The following EGF variants were observed in gnomAD, a reference collection of about 807,000 sequenced individuals.
EGF encodes epidermal growth factor, also known as pro-epidermal growth factor.
EGF carries 95 observed loss-of-function variants against 143.8 expected under a neutral mutation model. That is an observed-to-expected ratio of 0.66 (90% CI 0.56 to 0.78). EGF has a LOEUF of 0.78. Ranked by LOEUF, EGF falls within the 30% of genes least tolerant of loss-of-function variation. The pLI is 0.00. For missense variants in EGF, 1,320 were observed against 1,470.9 expected (o/e 0.90, Z 1.68); for synonymous variants, 510 against 510.5 (o/e 1.00, Z 0.01).
rs763367935 is a variant in EGF, at chr4:109,999,810, T to C, written c.3137T>C (p.Leu1046Pro). The C allele has an allele frequency of 1.4e-5, 22 of 1,613,740 alleles. No homozygotes were observed. Residue 1046 changes from leucine (L) to proline (P), a missense_variant, in exon 21 of 24, where the codon CTG becomes CCG. Physicochemically the swap from Leu to Pro is moderately conservative, Grantham distance 98. This residue lies in a region of EGF where 1,186 missense variants were observed against 1,313.7 expected (regional missense o/e 0.90). Transcript: ENST00000265171. ...GTCTGCGTGGTGGTGCTTGTCATGCTGCTCCTCCTGAGCCTGTGGGGGGCC... is the reference window on the plus strand; with the variant it reads ...GTCTGCGTGGTGGTGCTTGTCATGCCGCTCCTCCTGAGCCTGTGGGGGGCC... ...VAVCVVVLVMLLLLSLWGAHY... is the reference protein window; with the variant it reads ...VAVCVVVLVMPLLLSLWGAHY...
intron 16 of EGF, among the ~76,000 whole-genome samples, chr4:109,987,205 A>G (rs1750258763): frequency 6.6e-6 from 1 of 152,222 alleles, no homozygotes; most frequent in African/African-American, 2.4e-5. Context: ...AAATAAGTTC[A>G]TATAGGGTTC....
Position 109,983,367 on chromosome 4 carries a change from CT to C in EGF, c.2372-46del, listed in dbSNP as rs1180444624. On this transcript the variant is annotated intron_variant, in intron 15 of 23. Transcript: ENST00000265171. ...AGTCGTAAACATAAATGAAATCAAA[CT>C]TTTTTTTTGAAACAGAAAAGCTAAA... The C allele has an allele frequency of 1.9e-4, 291 of 1,564,792 alleles. 1 individual carries two copies. The highest frequency in any genetic ancestry group is 4.7e-4 in the Admixed American group (27 of 57,238).
At chr4:109,957,635 G>A (rs768835290) in intron 5 of EGF, among the ~76,000 whole-genome samples, 13 of 152,210 alleles carry the variant, frequency 8.5e-5, no homozygotes, top group Non-Finnish European at 1.6e-4. Context: ...AAACAGATCA[G>A]AGAAACCAAG....
At chr4:109,932,392 T>C (rs1333523826) in intron 1 of EGF, among the ~76,000 whole-genome samples, 8 of 140,578 alleles carry the variant, frequency 5.7e-5, no homozygotes, top group African/African-American at 2.1e-4. Flanking sequence ...TTTTTTTTTT[T>C]TTTTGAGACG....
intron 8 of EGF, among the ~76,000 whole-genome samples, chr4:109,962,940 G>A (rs919099819): frequency 1.3e-5 from 2 of 151,824 alleles, no homozygotes; most frequent in African/African-American, 4.8e-5. Flanking sequence ...GGTGGCGGGT[G>A]CCTGTAATCC....
intron 12 of EGF, among the ~76,000 whole-genome samples, chr4:109,975,445 C>T (rs1748339369): frequency 6.6e-6 from 1 of 152,108 alleles, no homozygotes; most frequent in Non-Finnish European, 1.5e-5. Flanking sequence ...GAGAACGTAA[C>T]CATTTCTAAA....
chr4:109,919,333 C>CA (rs1737348333), intron 1 of EGF, among the ~76,000 whole-genome samples: 9 of 137,294 alleles, frequency 6.6e-5, no homozygotes, highest in Admixed American at 2.2e-4. Flanking sequence ...CTCTCTCTCT[C>CA]TCTCTCTCAT....
Position 110,004,622 on chromosome 4 carries a change from G to C in EGF, c.3291G>C (p.Trp1097Cys). The C allele has an allele frequency of 1.2e-6, 2 of 1,613,674 alleles. No individual in the cohort carries two copies. Among genetic ancestry groups the C allele is most frequent in the Non-Finnish European group, 1.7e-6 (2 of 1,179,706 alleles). ...GGATGTCCTCTTGCCCTCAACCTTG[G>C]GTAATGTGACCAAAGCAGATGAAGC... ...EDGMSSCPQP[W>C]FVVIKEHQDL... The change falls in exon 22 of 24, where the codon TGG (tryptophan) becomes TGC (cysteine). Residue 1097 changes from tryptophan (W) to cysteine (C), a missense_variant and splice_region_variant. By Grantham distance (215) the Trp-to-Cys change is radical. This residue lies in a region of EGF where 1,186 missense variants were observed against 1,313.7 expected (regional missense o/e 0.90). Coordinates refer to ENST00000265171, the MANE Select transcript of EGF (RefSeq NM_001963.6).
At chr4:109,933,154 G>T (rs1394321429) in intron 1 of EGF, among the ~76,000 whole-genome samples, 2 of 152,184 alleles carry the variant, frequency 1.3e-5, no homozygotes, top group Non-Finnish European at 2.9e-5. Context: ...GAGATGTCCA[G>T]AGAAGCGAAG....
At chr4:110,004,776 C>T (rs1560772318) in intron 22 of EGF, among the ~76,000 whole-genome samples, 154 bp downstream of exon 22, 2 of 44,432 alleles carry the variant, frequency 4.5e-5, no homozygotes, top group South Asian at 7.6e-4. Flanking sequence ...TAGGGAGGTC[C>T]TGGGTGGGAG....
chr4:110,001,571 A>G (rs1225944415), intron 21 of EGF: 5 of 973,620 alleles, frequency 5.1e-6, no homozygotes, highest in Non-Finnish European at 6.1e-6. Flanking sequence ...CATGCGTGCC[A>G]TAATTATTAA....
chr4:109,959,156 T>G (rs756143399), intron 5 of EGF, 156 bp from the exon 6 acceptor site: 141 of 1,175,752 alleles, frequency 1.2e-4, no homozygotes, highest in Admixed American at 2.5e-4. Flanking sequence ...GGCTTCGGGA[T>G]GCTGGGGAAT....
At chr4:109,959,483 G>T in intron 6 of EGF, 46 bp downstream of exon 6, 1 of 1,611,228 alleles carries the variant, frequency 6.2e-7, no homozygotes, top group South Asian at 1.1e-5. Context: ...GTCGCTGCTT[G>T]AGGGGAGGAA....
Position 109,928,990 on chromosome 4 carries a change from A to G in EGF, c.128-11956A>G, listed in dbSNP as rs139116663. Among the ~76,000 whole-genome samples the G allele has an allele frequency of 1.1e-4, 17 of 152,334 alleles. No individual in the cohort carries two copies. In the East Asian group the frequency reaches 3.3e-3, roughly 29 times the overall value. On this transcript the variant is annotated intron_variant, in intron 1 of 23. Coordinates refer to ENST00000265171, the MANE Select transcript of EGF (RefSeq NM_001963.6). Reference sequence around the variant, plus strand: ...TTTTTGTTTACAAATGCAATATATTATAGAAGTAGATATAAAATTATTCAG... The same window carrying G: ...TTTTTGTTTACAAATGCAATATATTGTAGAAGTAGATATAAAATTATTCAG...
intron 4 of EGF, 45 bp from the exon 5 acceptor site, chr4:109,945,028 A>G: frequency 6.3e-7 from 1 of 1,592,850 alleles, no homozygotes; most frequent in East Asian, 2.2e-5. Flanking sequence ...TAAGACAAGG[A>G]ACAAATGTTC....
chr4:109,963,342 T>C lies in EGF; in HGVS notation c.1438+44T>C, dbSNP rs556603989. ...TGGAACTGTGTCCCTGAAAAAAAAT[T>C]CATGAAAATCTTTTGTTTAGAAAGA... On this transcript the variant is annotated intron_variant, in intron 9 of 23. Coordinates refer to ENST00000265171, the MANE Select transcript of EGF (RefSeq NM_001963.6). 2.5e-6 allele frequency: 4 copies of C among 1,613,300 alleles called. No homozygotes were observed. In the Admixed American group the frequency reaches 5.0e-5, roughly 20 times the overall value.
chr4:109,943,548 T>G, intron 3 of EGF, 113 bp downstream of exon 3: 12 of 1,223,706 alleles, frequency 9.8e-6, no homozygotes, highest in Non-Finnish European at 1.4e-5. Context: ...AAAGCCCTCT[T>G]TTGCAGCACA....
Position 109,980,132 on chromosome 4 carries a change from A to G in EGF, c.2214A>G (p.Ala738=). The change falls in exon 14 of 24, where the codon GCA becomes GCG. Residue 738 remains alanine (A), a synonymous_variant. Coordinates refer to ENST00000265171, the MANE Select transcript of EGF (RefSeq NM_001963.6). ...CACTGGTTGTGGTTCATCCATTGGC[A>G]AAACCAGGTACATACTGGAGATGTT... ...PSSLVVVHPL[A]KPGADPCLYQ... 1 of 1,608,684 alleles carries G rather than the reference A, an allele frequency of 6.2e-7. No homozygotes were observed. Among genetic ancestry groups the G allele is most frequent in the East Asian group, 2.2e-5 (1 of 44,800 alleles).
intron 1 of EGF, 46 bp from the exon 2 acceptor site, chr4:109,940,900 A>T (rs1280695627): frequency 6.3e-7 from 1 of 1,576,886 alleles, no homozygotes; most frequent in African/African-American, 1.4e-5. Flanking sequence ...TTTAAATGAG[A>T]TAAAATATTA....
Sources: gnomAD v4.1 joint callset for allele counts (sites outside exome capture counted in the v4.1 genomes callset) on GRCh38, gnomAD v4.1.1 for gene constraint, gnomAD v4.1.1 regional missense constraint, MANE v1.5 for transcripts, NCBI Gene and HGNC (gene_info 2026-07-23, HGNC 2026-07-21) for gene names.